The following STAU2 variants were observed in gnomAD, a reference collection of about 807,000 sequenced individuals.
STAU2 encodes the protein double-stranded RNA-binding protein Staufen homolog 2.
A neutral mutation model predicts 65.9 loss-of-function variants in STAU2; 20 were observed. The observed-to-expected ratio is 0.30, with a 90% CI of 0.21 to 0.44. STAU2 has a LOEUF of 0.44. STAU2 is among the 20% of genes least tolerant of loss of function. STAU2 has a pLI of 1.00. For missense variants in STAU2, 558 were observed against 683.9 expected (o/e 0.82, Z 2.05); for synonymous variants, 232 against 233.9 (o/e 0.99, Z 0.07).
chr8:73,731,938 CA>C lies in STAU2; in HGVS notation c.-18+6345del, dbSNP rs1332268364. Among the ~76,000 whole-genome samples, 3 of 151,922 alleles carry C rather than the reference CA, an allele frequency of 2.0e-5. No homozygotes were observed. In the South Asian group the frequency reaches 6.2e-4, roughly 32 times the overall value. On this transcript the variant is annotated intron_variant, in intron 3 of 14. Coordinates refer to ENST00000524300, the MANE Select transcript of STAU2 (RefSeq NM_001164380.2). Reference sequence around the variant, plus strand: ...TGGGTGACAGACCAAGACTTCAACTCAAAAAAAGCTAAAAAAAATTTAAAAA... The same window carrying C: ...TGGGTGACAGACCAAGACTTCAACTCAAAAAAGCTAAAAAAAATTTAAAAA...
intron 4 of STAU2, chr8:73,697,237 C>T (rs906017502): frequency 2.6e-5 from 4 of 152,064 alleles, no homozygotes; most frequent in African/African-American, 7.2e-5. Context: ...GCAGACTTTT[C>T]AGTGGAAACT....
chr8:73,631,724 GAAAT>G (rs1463865403), intron 6 of STAU2, among the ~76,000 whole-genome samples: 3 of 152,088 alleles, frequency 2.0e-5, no homozygotes, highest in Middle Eastern at 3.4e-3. Context: ...AAATCATAAG[GAAAT>G]AAATAAAGCA....
At chr8:73,462,828 T>C (rs1156505082) in intron 13 of STAU2, among the ~76,000 whole-genome samples, 1 of 152,194 alleles carries the variant, frequency 6.6e-6, no homozygotes, top group East Asian at 1.9e-4. Context: ...CTTTATGATA[T>C]CTAGTATTAA....
rs763032833 is a variant in STAU2 at position 73,671,674 on chromosome 8, AAT to A, written c.410+1431_410+1432del. 2.0e-5 allele frequency among the ~76,000 whole-genome samples: 3 copies of A among 152,230 alleles called. No individual in the cohort carries two copies. In the East Asian group the frequency reaches 5.8e-4, roughly 29 times the overall value. ...AGGGCATAAACAACCTAGATAAAAA[AAT>A]AGACATACATTTATATACCTTATGA... On this transcript the variant is annotated intron_variant, in intron 6 of 14. Coordinates refer to ENST00000524300, the MANE Select transcript of STAU2 (RefSeq NM_001164380.2).
chr8:73,456,386 A>T (rs142585461), intron 13 of STAU2, among the ~76,000 whole-genome samples: 3 of 152,342 alleles, frequency 2.0e-5, no homozygotes, highest in African/African-American at 7.2e-5. Context: ...ATGGAGAAAG[A>T]ATAACTGAAA....
intron 13 of STAU2, among the ~76,000 whole-genome samples, chr8:73,469,248 T>C (rs557312325): frequency 2.7e-3 from 409 of 152,018 alleles, no homozygotes; most frequent in Admixed American, 4.5e-3. Context: ...AGGTGGGAAT[T>C]GAACAATGAG....
At chr8:73,428,650 T>A (rs1192666045) in intron 13 of STAU2, among the ~76,000 whole-genome samples, 1 of 152,206 alleles carries the variant, frequency 6.6e-6, no homozygotes, top group Non-Finnish European at 1.5e-5. Context: ...AAACAATTTT[T>A]AAAAATCTTT....
intron 1 of STAU2, among the ~76,000 whole-genome samples, chr8:73,740,261 GTTGTC>G (rs1806750671): frequency 6.6e-6 from 1 of 152,162 alleles, no homozygotes; most frequent in African/African-American, 2.4e-5. Flanking sequence ...GATAATGTTT[GTTGTC>G]TTAAGTCCTT....
At position 73,692,932 on chromosome 8, in the gene STAU2, G is replaced by T. The variant is rs368480970; in HGVS notation, c.115-4119C>A. ...CCCAGCACTTTGGGAGGCCAAGGTG[G>T]GAGGATCACTTGAGCTCAGAAGTTC... On this transcript the variant is annotated intron_variant, in intron 4 of 14. Coordinates refer to ENST00000524300, the MANE Select transcript of STAU2 (RefSeq NM_001164380.2). Among the ~76,000 whole-genome samples the T allele has an allele frequency of 6.6e-5, 10 of 152,220 alleles. No homozygotes were observed. The East Asian group carries it at 1.2e-3, about 18-fold the overall frequency.
chr8:73,718,254 TA>T (rs1821393025), intron 3 of STAU2, among the ~76,000 whole-genome samples: 1 of 152,340 alleles, frequency 6.6e-6, no homozygotes, highest in African/African-American at 2.4e-5. Context: ...TAGTACTGTT[TA>T]ACTCCTGCCT....
intron 13 of STAU2, among the ~76,000 whole-genome samples, chr8:73,487,540 T>C (rs1233823656): frequency 6.6e-6 from 1 of 152,092 alleles, no homozygotes; most frequent in Non-Finnish European, 1.5e-5. Flanking sequence ...AAGAGGGTGA[T>C]AGGAGATCTT....
chr8:73,495,096 C>T lies in STAU2; in HGVS notation c.1530+56916G>A, dbSNP rs1821335190. On this transcript the variant is annotated intron_variant, in intron 13 of 14. Coordinates refer to ENST00000524300, the MANE Select transcript of STAU2 (RefSeq NM_001164380.2). ...CTGATAAAGATGGGAGTTTTTAATTCTTATTTGTTGGGTATGATTTTTTTC... is the reference window on the plus strand; with the variant it reads ...CTGATAAAGATGGGAGTTTTTAATTTTTATTTGTTGGGTATGATTTTTTTC... 4.0e-5 allele frequency among the ~76,000 whole-genome samples: 6 copies of T among 151,250 alleles called. No individual in the cohort carries two copies. The Admixed American group carries it at 4.0e-4, about 10-fold the overall frequency.
At chr8:73,653,767 G>A in intron 6 of STAU2, 1 of 255,900 alleles carries the variant, frequency 3.9e-6, no homozygotes, top group East Asian at 1.5e-4. Flanking sequence ...AACCACTTAG[G>A]TAAACAGTTT....
chr8:73,669,297 A>T (rs1817486168), intron 6 of STAU2, among the ~76,000 whole-genome samples: 1 of 152,160 alleles, frequency 6.6e-6, no homozygotes. Flanking sequence ...GACACTCCAA[A>T]AAAGGAAAAG....
rs761331071 is a variant in STAU2, at chr8:73,663,927, T to C, written c.410+9180A>G. 3.0e-4 allele frequency among the ~76,000 whole-genome samples: 45 copies of C among 152,332 alleles called. 2 individuals are homozygous for C. The highest frequency in any genetic ancestry group is 3.4e-3 in the Middle Eastern group (1 of 294). Reference sequence around the variant, plus strand: ...CTTATTCAGTAGCTTTTCAGTACTTTTGATTTATTATTTTCTACATACAGA... The same window carrying C: ...CTTATTCAGTAGCTTTTCAGTACTTCTGATTTATTATTTTCTACATACAGA... On this transcript the variant is annotated intron_variant, in intron 6 of 14. Transcript: ENST00000524300.
At chr8:73,606,142 G>T (rs1451052512) in intron 9 of STAU2, among the ~76,000 whole-genome samples, 1 of 151,804 alleles carries the variant, frequency 6.6e-6, no homozygotes, top group Admixed American at 6.6e-5. Context: ...AAAAATTTTT[G>T]TAACTTGGTT....
chr8:73,505,499 C>T lies in STAU2; in HGVS notation c.1530+46513G>A, dbSNP rs73686986. Among the ~76,000 whole-genome samples, 1,436 of 151,968 alleles carry T rather than the reference C, an allele frequency of 9.4e-3. 18 individuals carry two copies. The highest frequency in any genetic ancestry group is 0.033 in the African/African-American group (1,351 of 41,440). On this transcript the variant is annotated intron_variant, in intron 13 of 14. Transcript: ENST00000524300. ...TCCTGAGGCTTGAGTCCAAGAGGAC[C>T]CCCTGAGACATGGAAGGTTTGGACC... is the stretch of plus-strand genomic sequence containing the variant.
intron 10 of STAU2, among the ~76,000 whole-genome samples, chr8:73,599,012 A>G (rs1448865467): frequency 1.3e-5 from 2 of 152,252 alleles, no homozygotes; most frequent in African/African-American, 4.8e-5. Context: ...TGCCATGTTC[A>G]TGGATTGAAG....
intron 4 of STAU2, among the ~76,000 whole-genome samples, chr8:73,689,433 G>A (rs1258510714): frequency 6.6e-6 from 1 of 152,058 alleles, no homozygotes; most frequent in Non-Finnish European, 1.5e-5. Context: ...GCTGATCACT[G>A]CTAAAACTAT....
Sources: allele counts gnomAD v4.1 joint callset (sites outside exome capture counted in the v4.1 genomes callset), GRCh38; gene constraint gnomAD v4.1.1; transcripts MANE v1.5; gene names NCBI Gene and HGNC (gene_info 2026-07-23, HGNC 2026-07-21).